The following EFHD1 variants were observed in gnomAD, a reference collection of about 807,000 sequenced individuals.
The protein encoded by EFHD1 is EF-hand domain family member D1.
In EFHD1, 10 loss-of-function variants were observed where a neutral mutation model predicts 17.2. The observed-to-expected ratio is 0.58, with a 90% CI of 0.36 to 0.99. The LOEUF (loss-of-function observed/expected upper bound fraction) is 0.99, where lower values mean the gene tolerates loss of function less well. Ranked by LOEUF, EFHD1 falls within the 50% of genes least tolerant of loss-of-function variation. EFHD1 has a pLI of 0.01. For missense variants in EFHD1, 310 were observed against 327.5 expected, an observed-to-expected ratio of 0.95 and a Z score of 0.41; for synonymous variants, 153 against 142.0, an observed-to-expected ratio of 1.08 and a Z score of -0.55.
intron 1 of EFHD1, among the ~76,000 whole-genome samples, chr2:232,650,937 A>G (rs1694641757): frequency 1.3e-5 from 2 of 152,208 alleles, no homozygotes; most frequent in Admixed American, 1.3e-4. Flanking sequence ...AGGGAAAAAA[A>G]GAGCTAAGAT....
chr2:232,646,427 TC>T (rs1694528636), intron 1 of EFHD1, among the ~76,000 whole-genome samples: 1 of 144,202 alleles, frequency 6.9e-6, no homozygotes, highest in African/African-American at 2.5e-5. Flanking sequence ...TTTTCTCTTC[TC>T]TTCTCTTCTT....
chr2:232,656,895 C>T (rs1380035479), intron 1 of EFHD1, among the ~76,000 whole-genome samples: 1 of 152,206 alleles, frequency 6.6e-6, no homozygotes, highest in African/African-American at 2.4e-5. Flanking sequence ...CCTCCCCCTT[C>T]AGCCTCCCGA....
chr2:232,669,095 C>G (rs909333399), intron 2 of EFHD1, among the ~76,000 whole-genome samples: 4 of 152,190 alleles, frequency 2.6e-5, no homozygotes, highest in African/African-American at 9.6e-5. Context: ...GTCAGTCCCT[C>G]TCTCCACATG....
At chr2:232,634,294 C>T (rs1277346566) in intron 1 of EFHD1, among the ~76,000 whole-genome samples, 1 of 151,440 alleles carries the variant, frequency 6.6e-6, no homozygotes, top group Non-Finnish European at 1.5e-5. Context: ...ACTGGTCCCG[C>T]CCCCTCCGCC....
intron 2 of EFHD1, among the ~76,000 whole-genome samples, chr2:232,663,385 A>T (rs1183872122): frequency 6.6e-6 from 1 of 151,772 alleles, no homozygotes; most frequent in Non-Finnish European, 1.5e-5. Flanking sequence ...TTTTATTATT[A>T]TTTTTTGAGA....
At chr2:232,608,070 C>T (rs1693752119) in intron 1 of EFHD1, among the ~76,000 whole-genome samples, 1 of 149,100 alleles carries the variant, frequency 6.7e-6, no homozygotes, top group Non-Finnish European at 1.5e-5. Flanking sequence ...AATCAAGTCC[C>T]TTATATAAAT....
chr2:232,667,518 A>T (rs1314259477), intron 2 of EFHD1, among the ~76,000 whole-genome samples: 2 of 151,510 alleles, frequency 1.3e-5, no homozygotes, highest in Non-Finnish European at 2.9e-5. Context: ...GAGACATCTT[A>T]TTTTATTTTA....
upstream of EFHD1, among the ~76,000 whole-genome samples, chr2:232,632,537 T>A (rs778877290): frequency 6.6e-6 from 1 of 152,224 alleles, no homozygotes; most frequent in African/African-American, 2.4e-5. Context: ...CGACTGTATT[T>A]GTTTTTACCC....
At chr2:232,662,669 G>A in intron 1 of EFHD1, 133 bp from the exon 2 acceptor site, 2 of 1,222,436 alleles carry the variant, frequency 1.6e-6, no homozygotes, top group South Asian at 3.6e-5. Flanking sequence ...CTCTGGAGCA[G>A]GTGACCCACA....
At chr2:232,658,482 A>G (rs1349005973) in intron 1 of EFHD1, among the ~76,000 whole-genome samples, 2 of 152,236 alleles carry the variant, frequency 1.3e-5, no homozygotes, top group Non-Finnish European at 2.9e-5. Context: ...ACGTTTCACA[A>G]CTAAATAAGC....
intron 1 of EFHD1, among the ~76,000 whole-genome samples, chr2:232,636,492 C>A (rs1013934913): frequency 6.6e-5 from 10 of 152,124 alleles, no homozygotes; most frequent in Admixed American, 5.2e-4. Context: ...GGATTTTAGC[C>A]CCTAATTTTT....
chr2:232,609,109 G>T (rs1490200233), intron 1 of EFHD1, among the ~76,000 whole-genome samples: 1 of 139,230 alleles, frequency 7.2e-6, no homozygotes, highest in African/African-American at 2.7e-5. Context: ...ACCCAGGCTG[G>T]AGTGAAGTGG....
intron 1 of EFHD1, among the ~76,000 whole-genome samples, chr2:232,656,705 G>A (rs1237747824): frequency 1.3e-5 from 2 of 152,126 alleles, no homozygotes; most frequent in African/African-American, 4.8e-5. Flanking sequence ...CCAAAGTGCT[G>A]GGATTGGAGG....
At chr2:232,642,343 C>T (rs1694447232) in intron 1 of EFHD1, among the ~76,000 whole-genome samples, 2 of 139,012 alleles carry the variant, frequency 1.4e-5, no homozygotes, top group Admixed American at 1.5e-4. Context: ...CACTGCACTC[C>T]AGCCTGGGCG....
At chr2:232,625,303 A>ATT (rs3085874) in intron 1 of EFHD1, among the ~76,000 whole-genome samples, 7,119 of 141,854 alleles carry the variant, frequency 0.05, 211 homozygotes, top group South Asian at 0.064. Context: ...TAATTTAAAC[A>ATT]TTTTTTTTTT....
rs754058991 is a variant in EFHD1 at position 232,681,652 on chromosome 2, GGGA to G, written c.664_666del (p.Glu222del). On this transcript the variant is annotated inframe_deletion, in exon 4 of 4. Transcript: ENST00000264059. ...AAAGCTGAGCAAGATGAGCGGAAGC[GGGA>G]GGAGGAGGAGAGGCGGCTCCGCCAG... The G allele has an allele frequency of 3.1e-6, 5 of 1,614,130 alleles. No homozygotes were observed. The highest frequency in any genetic ancestry group is 1.3e-5 in the African/African-American group (1 of 75,066).
chr2:232,654,173 C>T (rs1356842593), intron 1 of EFHD1, among the ~76,000 whole-genome samples: 1 of 149,290 alleles, frequency 6.7e-6, no homozygotes, highest in Non-Finnish European at 1.5e-5. Flanking sequence ...CACCACTGCA[C>T]TCCAGCCTGG....
Position 232,634,386 on chromosome 2 carries a change from T to TC in EFHD1, c.302+386dup, listed in dbSNP as rs564730792. 6.6e-4 allele frequency among the ~76,000 whole-genome samples: 100 copies of TC among 152,228 alleles called. No individual in the cohort carries two copies. In the East Asian group the frequency reaches 0.019, roughly 29 times the overall value. On this transcript the variant is annotated intron_variant, in intron 1 of 3. Transcript: ENST00000264059. ...GCCTCACCTGCCAGCTTTCACTGTA[T>TC]CCCCCCAAGGGAAAAATTAGCCCCT...
Position 232,669,383 on chromosome 2 carries a change from G to A in EFHD1, c.451-2926G>A, listed in dbSNP as rs186810823. On this transcript the variant is annotated intron_variant, in intron 2 of 3. Coordinates refer to ENST00000264059, the MANE Select transcript of EFHD1 (RefSeq NM_025202.4). ...TTGCTTTGTATTTGACAATATCCAC[G>A]GTAGCGTTAGGACCCTGAAGGGAGC... 2.8e-4 allele frequency among the ~76,000 whole-genome samples: 42 copies of A among 152,248 alleles called. No homozygotes were observed. In the East Asian group the frequency reaches 6.4e-3, roughly 23 times the overall value.
Sources: gnomAD v4.1 joint callset for allele counts (sites outside exome capture counted in the v4.1 genomes callset) on GRCh38, gnomAD v4.1.1 for gene constraint, MANE v1.5 for transcripts, NCBI Gene and HGNC (gene_info 2026-07-23, HGNC 2026-07-21) for gene names.